The following IRF6 variants were observed in gnomAD, a reference collection of about 807,000 sequenced individuals.
IRF6 encodes interferon regulatory factor 6.
Under a neutral mutation model 51.4 loss-of-function variants are expected in IRF6, and 6 were observed. The observed-to-expected ratio is 0.12, with a 90% confidence interval of 0.06 to 0.23. The LOEUF is 0.23. Ranked by LOEUF, IRF6 falls within the 10% of genes least tolerant of loss-of-function variation. IRF6 has a pLI of 1.00. For missense variants in IRF6, 348 were observed against 585.2 expected (o/e 0.59, Z 4.18); for synonymous variants, 178 against 215.7 (o/e 0.83, Z 1.53).
intron 4 of IRF6, 94 bp from the exon 5 acceptor site, chr1:209,795,512 A>G: frequency 1.3e-6 from 2 of 1,582,616 alleles, no homozygotes; most frequent in Non-Finnish European, 1.7e-6. Context: ...CTGCTAGCCC[A>G]GAGGCTCCTC....
chr1:209,793,645 G>A (rs1051134862), intron 5 of IRF6, among the ~76,000 whole-genome samples: 5 of 152,162 alleles, frequency 3.3e-5, no homozygotes, highest in Admixed American at 6.5e-5. Context: ...CCGGGGTTTG[G>A]TATACAGATT....
chr1:209,795,227 T>C, intron 5 of IRF6, 63 bp downstream of exon 5: 2 of 1,584,578 alleles, frequency 1.3e-6, no homozygotes, highest in East Asian at 2.2e-5. Context: ...GTATTGACAG[T>C]CCCAAGGTCA....
At chr1:209,802,556 A>G (rs1469398742) in intron 1 of IRF6, among the ~76,000 whole-genome samples, 1 of 152,226 alleles carries the variant, frequency 6.6e-6, no homozygotes, top group Non-Finnish European at 1.5e-5. Context: ...AAGAACACTC[A>G]TTCAACAAAT....
chr1:209,791,964 T>A lies in IRF6; in HGVS notation c.667+305A>T, dbSNP rs188796316. Among the ~76,000 whole-genome samples the A allele has an allele frequency of 2.2e-3, 334 of 152,196 alleles. 1 individual carries two copies. The highest frequency in any genetic ancestry group is 7.8e-3 in the African/African-American group (325 of 41,532). ...CCATGCCCAGCTAATTCTTTAAAAA[T>A]TTTTTTGTAGAGAGTCTCACTATGT... On this transcript the variant is annotated intron_variant, in intron 6 of 8. Coordinates refer to ENST00000367021, the MANE Select transcript of IRF6 (RefSeq NM_006147.4).
intron 7 of IRF6, 142 bp from the exon 8 acceptor site, chr1:209,789,927 C>A: frequency 1.4e-6 from 1 of 693,252 alleles, no homozygotes; most frequent in Non-Finnish European, 2.6e-6. Flanking sequence ...GTTCCTGGGT[C>A]ACATTAGTCA....
At chr1:209,805,627 A>T (rs894910950) in intron 1 of IRF6, among the ~76,000 whole-genome samples, 1 of 152,160 alleles carries the variant, frequency 6.6e-6, no homozygotes, top group Non-Finnish European at 1.5e-5. Context: ...GTAAGACTGA[A>T]GGGGGCGCGG....
chr1:209,788,416 A>G lies in IRF6; in HGVS notation c.*4T>C. On this transcript the variant is annotated 3_prime_UTR_variant, in exon 9 of 9. Coordinates refer to ENST00000367021, the MANE Select transcript of IRF6 (RefSeq NM_006147.4). Reference sequence around the variant, plus strand: ...AAAGAGAAGGAAGAAGATGGCATTCACAATTACTGGGGAGGCAGGGCAGGG... The same window carrying G: ...AAAGAGAAGGAAGAAGATGGCATTCGCAATTACTGGGGAGGCAGGGCAGGG... 6.3e-7 allele frequency: 1 copy of G among 1,578,308 alleles called. No homozygotes were observed. Among genetic ancestry groups the G allele is most frequent in the Non-Finnish European group, 8.7e-7 (1 of 1,148,354 alleles).
intron 8 of IRF6, 37 bp from the exon 9 acceptor site, chr1:209,788,681 GA>G: frequency 6.4e-7 from 1 of 1,557,700 alleles, no homozygotes; most frequent in Non-Finnish European, 8.9e-7. Flanking sequence ...ATCCTCTGAG[GA>G]AAAGGTATTT....
At chr1:209,792,663 T>A in intron 5 of IRF6, 2 of 572,870 alleles carry the variant, frequency 3.5e-6, no homozygotes, top group Non-Finnish European at 6.2e-6. Flanking sequence ...AAAACCTTTG[T>A]TTGCTGAAGA....
intron 6 of IRF6, chr1:209,791,123 C>T (rs1571979960): frequency 3.5e-6 from 3 of 860,638 alleles, no homozygotes; most frequent in Non-Finnish European, 2.8e-6. Flanking sequence ...TCTGTTCAAT[C>T]ACCACACCCC....
At position 209,786,539 on chromosome 1, in the gene IRF6, C is replaced by A. The variant is rs2077834816; in HGVS notation, c.*1881G>T. ...TTTGAGTTCCCACGTAGAGATGGGG[C>A]AGCCAAATATCAAGCCCAAATCCCT... On this transcript the variant is annotated 3_prime_UTR_variant, in exon 9 of 9. Transcript: ENST00000367021. The A allele has an allele frequency of 6.6e-6, 1 of 152,142 alleles. No individual in the cohort carries two copies. The highest frequency in any genetic ancestry group is 1.5e-5 in the Non-Finnish European group (1 of 68,038). The allele number at this position is 152,142 out of a possible 1,614,324, so 9.4% of individuals were successfully genotyped here.
intron 7 of IRF6, among the ~76,000 whole-genome samples, 190 bp from the exon 8 acceptor site, chr1:209,789,975 A>T (rs1259278058): frequency 6.6e-6 from 1 of 152,234 alleles, no homozygotes; most frequent in African/African-American, 2.4e-5. Flanking sequence ...GCTTGTGACA[A>T]CCATACTGAA....
At chr1:209,791,010 A>G in intron 6 of IRF6, 123 bp from the exon 7 acceptor site, 6 of 1,582,934 alleles carry the variant, frequency 3.8e-6, no homozygotes, top group Non-Finnish European at 5.1e-6. Context: ...GGCCACTGCC[A>G]TAGTTATCCT....
chr1:209,797,295 G>A lies in IRF6; in HGVS notation c.175-743C>T, dbSNP rs57031909. ...TGAGGCAGGAGAATCACTTGAACCC[G>A]GGAGGTGGAGATTGTAGTGAGCCAA... is the stretch of plus-strand genomic sequence containing the variant. On this transcript the variant is annotated intron_variant, in intron 3 of 8. Coordinates refer to ENST00000367021, the MANE Select transcript of IRF6 (RefSeq NM_006147.4). 4.6e-5 allele frequency among the ~76,000 whole-genome samples: 7 copies of A among 151,152 alleles called. No homozygotes were observed. In the East Asian group the frequency reaches 9.8e-4, roughly 21 times the overall value.
rs1176165361 is a variant in IRF6, at chr1:209,796,787, T to G, written c.175-235A>C. Among the ~76,000 whole-genome samples the G allele has an allele frequency of 6.6e-6, 1 of 152,142 alleles. No individual in the cohort carries two copies. The highest frequency in any genetic ancestry group is 6.5e-5 in the Admixed American group (1 of 15,278). ...GGTGCCTAAGGGAAATAAAGCCATG[T>G]GCAAACACAATATATTAAAAGGAGG... On this transcript the variant is annotated intron_variant, in intron 3 of 8. Transcript: ENST00000367021. The surrounding 1 kb of genome is among the most constrained non-coding windows in gnomAD (Gnocchi z 4.5).
chr1:209,793,506 T>G (rs1254590668), intron 5 of IRF6, among the ~76,000 whole-genome samples: 5 of 152,186 alleles, frequency 3.3e-5, no homozygotes, highest in Non-Finnish European at 7.4e-5. Context: ...TGAGAAAGGA[T>G]CCCACATTTC....
At chr1:209,793,836 CTG>C (rs1365046038) in intron 5 of IRF6, among the ~76,000 whole-genome samples, 1 of 152,128 alleles carries the variant, frequency 6.6e-6, no homozygotes, top group Non-Finnish European at 1.5e-5. Flanking sequence ...TTTTCTGTTC[CTG>C]TGTTTTAGTT....
chr1:209,799,246 C>CA (rs2077924902), intron 3 of IRF6, among the ~76,000 whole-genome samples: 1 of 152,110 alleles, frequency 6.6e-6, no homozygotes, highest in African/African-American at 2.4e-5. Flanking sequence ...AATTTGAGGC[C>CA]AGGTCTTCCA....
At chr1:209,801,045 T>C (rs2077937792) in intron 3 of IRF6, among the ~76,000 whole-genome samples, 195 bp downstream of exon 3, 1 of 151,868 alleles carries the variant, frequency 6.6e-6, no homozygotes, top group Non-Finnish European at 1.5e-5. Context: ...CTTCAATGAG[T>C]GGGAAAGAAT....
Sources: gnomAD v4.1 joint callset for allele counts (sites outside exome capture counted in the v4.1 genomes callset) on GRCh38, gnomAD v4.1.1 for gene constraint, Gnocchi (gnomAD v3.1) non-coding constraint, MANE v1.5 for transcripts, NCBI Gene and HGNC (gene_info 2026-07-23, HGNC 2026-07-21) for gene names.